The following SDK2 variants were observed in gnomAD, a reference collection of about 807,000 sequenced individuals.
The protein encoded by SDK2 is sidekick cell adhesion molecule 2.
In SDK2, 105 loss-of-function variants were observed where a neutral mutation model predicts 253.9. That is an observed-to-expected ratio of 0.41 (90% CI 0.35 to 0.49). The LOEUF is 0.49. Ranked by LOEUF, SDK2 falls within the 20% of genes least tolerant of loss-of-function variation. SDK2 has a pLI of 0.06. For missense variants in SDK2, 2,608 were observed against 3,003.0 expected (o/e 0.87, Z 3.07); for synonymous variants, 1,249 against 1,234.9 (o/e 1.01, Z -0.24).
chr17:73,368,280 CG>C (rs2062702617), intron 37 of SDK2, 126 bp downstream of exon 37: 2 of 861,500 alleles, frequency 2.3e-6, no homozygotes, highest in Non-Finnish European at 3.3e-6. Flanking sequence ...CTGGGTACCA[CG>C]ACCAGATCCT....
chr17:73,368,673 A>G, intron 36 of SDK2, 80 bp from the exon 37 acceptor site: 1 of 1,232,182 alleles, frequency 8.1e-7, no homozygotes, highest in Non-Finnish European at 1.1e-6. Context: ...CTGTAGTCTC[A>G]GAGACACCTT....
intron 1 of SDK2, among the ~76,000 whole-genome samples, chr17:73,576,012 G>A (rs867630568): frequency 6.6e-6 from 1 of 152,208 alleles, no homozygotes; most frequent in Non-Finnish European, 1.5e-5. Flanking sequence ...CAAAAGACAC[G>A]CCTGTGGTGG....
At chr17:73,547,583 A>G (rs954196977) in intron 1 of SDK2, among the ~76,000 whole-genome samples, 6 of 152,208 alleles carry the variant, frequency 3.9e-5, no homozygotes, top group South Asian at 4.1e-4. Flanking sequence ...CCACCTCCCA[A>G]TAGGGCCTGT....
Position 73,395,151 on chromosome 17 carries a change from G to C in SDK2, c.3592+4C>G, listed in dbSNP as rs756511777. 6.3e-7 allele frequency: 1 copy of C among 1,578,178 alleles called. No homozygotes were observed. Among genetic ancestry groups the C allele is most frequent in the South Asian group, 1.2e-5 (1 of 86,726 alleles). On this transcript the variant is annotated splice_donor_region_variant and intron_variant, in intron 25 of 44. Transcript: ENST00000392650. This position sits in a 1 kb window ranked among gnomAD's most constrained non-coding sequence, Gnocchi z 4.3. Reference sequence around the variant, plus strand: ...CAGGGTGGCTGGGTGTGAGGGGTTGGTACCTGACTCCCGGGTCCTGCCCAC... The same window carrying C: ...CAGGGTGGCTGGGTGTGAGGGGTTGCTACCTGACTCCCGGGTCCTGCCCAC...
At position 73,609,681 on chromosome 17, in the gene SDK2, AC is replaced by A. The variant is rs2045950194; in HGVS notation, c.64+34343del. ...ATGACTTTCAAGGGAGGTAATGGGT[AC>A]CCTCTTACCTACGTGCAGTTTACAA... On this transcript the variant is annotated intron_variant, in intron 1 of 44. Transcript: ENST00000392650. The surrounding 1 kb of genome is among the most constrained non-coding windows in gnomAD (Gnocchi z 4.4). Among the ~76,000 whole-genome samples, 1 of 151,992 alleles carries A rather than the reference AC, an allele frequency of 6.6e-6. No homozygotes were observed. Among genetic ancestry groups the A allele is most frequent in the Non-Finnish European group, 1.5e-5 (1 of 67,988 alleles).
intron 1 of SDK2, among the ~76,000 whole-genome samples, chr17:73,539,905 C>T (rs989686674): frequency 5.9e-5 from 9 of 152,060 alleles, no homozygotes; most frequent in South Asian, 2.1e-4. Context: ...CCACCAGAGA[C>T]GGGGTCATGC....
chr17:73,493,873 C>T (rs74941804), intron 2 of SDK2, among the ~76,000 whole-genome samples: 1,620 of 152,080 alleles, frequency 0.011, 27 homozygotes, highest in African/African-American at 0.037. Context: ...TCAGAGAGCT[C>T]CACAGTTTCA....
At chr17:73,362,650 C>T (rs1007691155) in intron 38 of SDK2, among the ~76,000 whole-genome samples, 1 of 152,102 alleles carries the variant, frequency 6.6e-6, no homozygotes, top group African/African-American at 2.4e-5. Flanking sequence ...CTTGGCCTCT[C>T]AAAGTGCTGG....
intron 3 of SDK2, among the ~76,000 whole-genome samples, chr17:73,466,726 C>A (rs1253509700): frequency 1.4e-5 from 2 of 143,512 alleles, no homozygotes; most frequent in African/African-American, 2.8e-5. Context: ...CCCCCCCCCC[C>A]CGGCTTAGGC....
At position 73,352,692 on chromosome 17, in the gene SDK2, G is replaced by A. The variant is rs908892535; in HGVS notation, c.5594-55C>T. 2.8e-5 allele frequency: 44 copies of A among 1,579,016 alleles called. No individual in the cohort carries two copies. The highest frequency in any genetic ancestry group is 8.1e-5 in the African/African-American group (6 of 74,228). On this transcript the variant is annotated intron_variant, in intron 40 of 44. Transcript: ENST00000392650. This position sits in a 1 kb window ranked among gnomAD's most constrained non-coding sequence, Gnocchi z 4.1. ...GAGGTGAGGGGAAGCCCCAAATCCC[G>A]CTCCCAGCCCCGTTCTGACTATGCT... is the stretch of plus-strand genomic sequence containing the variant.
At chr17:73,417,367 C>G (rs2063191146) in intron 16 of SDK2, among the ~76,000 whole-genome samples, 1 of 150,458 alleles carries the variant, frequency 6.6e-6, no homozygotes, top group African/African-American at 2.5e-5. Flanking sequence ...GAGTACGCCA[C>G]TGCACTCCAG....
chr17:73,531,052 C>CTCCTGTGG lies in SDK2; in HGVS notation c.65-23463_65-23456dup, dbSNP rs778949208. Among the ~76,000 whole-genome samples, 6 of 152,284 alleles carry CTCCTGTGG rather than the reference C, an allele frequency of 3.9e-5. No individual in the cohort carries two copies. The East Asian group carries it at 1.2e-3, about 29-fold the overall frequency. On this transcript the variant is annotated intron_variant, in intron 1 of 44. Transcript: ENST00000392650. ...TTCCCGCCTTTCCTTCCCTGCCTTC[C>CTCCTGTGG]TCCTGTGGTTCTGAAATGTTGATGT...
rs2046054664 is a variant in SDK2 at position 73,616,243 on chromosome 17, C to T, written c.64+27782G>A. 6.6e-6 allele frequency among the ~76,000 whole-genome samples: 1 copy of T among 152,114 alleles called. No individual in the cohort carries two copies. Reference sequence around the variant, plus strand: ...ACTGTGAACCTTGTGCTCGGCAGCCCCAGGCATCCCGGTGCTGCTTGCCTT... The same window carrying T: ...ACTGTGAACCTTGTGCTCGGCAGCCTCAGGCATCCCGGTGCTGCTTGCCTT... On this transcript the variant is annotated intron_variant, in intron 1 of 44. Coordinates refer to ENST00000392650, the MANE Select transcript of SDK2 (RefSeq NM_001144952.2). The surrounding 1 kb of genome is among the most constrained non-coding windows in gnomAD (Gnocchi z 5.2).
intron 42 of SDK2, 57 bp from the exon 43 acceptor site, chr17:73,350,432 C>G: frequency 6.4e-7 from 1 of 1,564,540 alleles, no homozygotes; most frequent in South Asian, 1.2e-5. Flanking sequence ...CTCTCCCATA[C>G]CACTCTCCAC....
intron 2 of SDK2, among the ~76,000 whole-genome samples, chr17:73,474,701 G>A (rs571806790): frequency 5.9e-5 from 9 of 152,202 alleles, no homozygotes; most frequent in East Asian, 3.9e-4. Context: ...TCCTGTTTGC[G>A]TCCCCTCTCT....
Position 73,414,763 on chromosome 17 carries a change from G to C in SDK2, c.2369-4C>G, listed in dbSNP as rs183794577. 2.6e-4 allele frequency: 413 copies of C among 1,600,870 alleles called. No homozygotes were observed. The highest frequency in any genetic ancestry group is 5.2e-5 in the Non-Finnish European group (61 of 1,168,348). ...TTGCCCGGAGGGACCGTGGGAACTAGAGGAGATGAGAGAACGGGGTGGGGT... is the reference window on the plus strand; with the variant it reads ...TTGCCCGGAGGGACCGTGGGAACTACAGGAGATGAGAGAACGGGGTGGGGT... On this transcript the variant is annotated splice_region_variant and splice_polypyrimidine_tract_variant and intron_variant, in intron 17 of 44. Transcript: ENST00000392650.
At position 73,541,468 on chromosome 17, in the gene SDK2, A is replaced by G. The variant is rs867498464; in HGVS notation, c.65-33871T>C. ...CATCCCATCCCCTCTCAACATCCTCACCTCTATCTTAGCAGGGCAATACCG... is the reference window on the plus strand; with the variant it reads ...CATCCCATCCCCTCTCAACATCCTCGCCTCTATCTTAGCAGGGCAATACCG... On this transcript the variant is annotated intron_variant, in intron 1 of 44. Transcript: ENST00000392650. This position sits in a 1 kb window ranked among gnomAD's most constrained non-coding sequence, Gnocchi z 4.3. Among the ~76,000 whole-genome samples the G allele has an allele frequency of 1.3e-5, 2 of 151,254 alleles. No homozygotes were observed. Among genetic ancestry groups the G allele is most frequent in the Non-Finnish European group, 3.0e-5 (2 of 67,786 alleles).
chr17:73,445,547 G>A (rs2063447181), intron 5 of SDK2, among the ~76,000 whole-genome samples: 1 of 152,136 alleles, frequency 6.6e-6, no homozygotes, highest in African/African-American at 2.4e-5. Flanking sequence ...TCCCTATAAA[G>A]AGGTGCAGAA....
Position 73,431,714 on chromosome 17 carries a change from C to T in SDK2, c.1313-45G>A. On this transcript the variant is annotated intron_variant, in intron 10 of 44. Coordinates refer to ENST00000392650, the MANE Select transcript of SDK2 (RefSeq NM_001144952.2). This position sits in a 1 kb window ranked among gnomAD's most constrained non-coding sequence, Gnocchi z 5.6. ...GGGGTCAGCCTGTAGCCCCCAAGGG[C>T]ACACCCTGCCCTTCCCTGGCCGCTC... 1 of 1,540,684 alleles carries T rather than the reference C, an allele frequency of 6.5e-7. No individual in the cohort carries two copies. Among genetic ancestry groups the T allele is most frequent in the Non-Finnish European group, 8.7e-7 (1 of 1,144,148 alleles).
Sources: allele counts gnomAD v4.1 joint callset (sites outside exome capture counted in the v4.1 genomes callset), GRCh38; gene constraint gnomAD v4.1.1; non-coding constraint Gnocchi (gnomAD v3.1); transcripts MANE v1.5; gene names NCBI Gene and HGNC (gene_info 2026-07-23, HGNC 2026-07-21).